The following DGKB variants were observed in gnomAD, a reference collection of about 807,000 sequenced individuals.
DGKB encodes 90 kDa diacylglycerol kinase.
Under a neutral mutation model 114.3 loss-of-function variants are expected in DGKB, and 67 were observed. The observed-to-expected ratio is 0.59, with a 90% confidence interval of 0.48 to 0.72. DGKB has a LOEUF of 0.72. Among genes scored for constraint, DGKB ranks in the 30% least tolerant of loss-of-function variants. The pLI is 0.00. For missense variants in DGKB, 907 were observed against 975.2 expected, an observed-to-expected ratio of 0.93 and a Z score of 0.93; for synonymous variants, 398 against 323.1, an observed-to-expected ratio of 1.23 and a Z score of -2.49.
chr7:14,325,155 C>G (rs552835889), intron 23 of DGKB, among the ~76,000 whole-genome samples: 2 of 152,102 alleles, frequency 1.3e-5, no homozygotes, highest in African/African-American at 4.8e-5. Context: ...AGAGAGTGCT[C>G]TTATAAACAG....
intron 1 of DGKB, among the ~76,000 whole-genome samples, chr7:14,879,747 C>T (rs1277500694): frequency 5.3e-5 from 8 of 152,146 alleles, no homozygotes; most frequent in Non-Finnish European, 1.2e-4. Context: ...TACCTCAATG[C>T]TGAAAGAATC....
At chr7:14,900,629 AT>A (rs1290920445) in intron 1 of DGKB, among the ~76,000 whole-genome samples, 1 of 152,160 alleles carries the variant, frequency 6.6e-6, no homozygotes, top group African/African-American at 2.4e-5. Flanking sequence ...TTCAGACACT[AT>A]CCCAGCAAAA....
At chr7:14,627,368 C>T (rs1808776344) in intron 14 of DGKB, among the ~76,000 whole-genome samples, 1 of 152,002 alleles carries the variant, frequency 6.6e-6, no homozygotes, top group Admixed American at 6.6e-5. Flanking sequence ...TGACTTGATC[C>T]ATAAGTCCCG....
At chr7:14,194,105 T>G (rs192037459) in intron 23 of DGKB, among the ~76,000 whole-genome samples, 1 of 152,282 alleles carries the variant, frequency 6.6e-6, no homozygotes, top group East Asian at 1.9e-4. Context: ...GGTAGCAATA[T>G]ATACTAGTAC....
intron 13 of DGKB, among the ~76,000 whole-genome samples, chr7:14,648,033 G>C (rs944869549): frequency 1.3e-5 from 2 of 152,324 alleles, no homozygotes; most frequent in Non-Finnish European, 1.5e-5. Flanking sequence ...ACAGCAGTCT[G>C]AGATCAAACT....
chr7:14,338,395 A>G lies in DGKB; in HGVS notation c.2122+120T>C, dbSNP rs143352965. 2.5e-3 allele frequency: 1,350 copies of G among 542,208 alleles called. 25 individuals are homozygous for G. The African/African-American group carries it at 0.026, about 10-fold the overall frequency. 33.6% of individuals were successfully genotyped at this position (542,208 alleles called of 1,614,324 possible). On this transcript the variant is annotated intron_variant, in intron 23 of 25. Transcript: ENST00000402815. ...TCACACATGGGTATCCCATAATATG[A>G]AAAATACAACTGTAAAAATATATAA...
chr7:14,289,505 T>C (rs1337726080), intron 23 of DGKB, among the ~76,000 whole-genome samples: 2 of 152,156 alleles, frequency 1.3e-5, no homozygotes, highest in Admixed American at 1.3e-4. Flanking sequence ...ACACATTCTA[T>C]TTAGAAGATG....
intron 1 of DGKB, among the ~76,000 whole-genome samples, chr7:14,898,795 G>A (rs560237834): frequency 6.6e-6 from 1 of 152,212 alleles, no homozygotes; most frequent in South Asian, 2.1e-4. Context: ...CGCTTATGGA[G>A]CGAGTCCATT....
intron 1 of DGKB, among the ~76,000 whole-genome samples, chr7:14,895,582 C>T (rs1781969078): frequency 6.6e-6 from 1 of 151,626 alleles, no homozygotes; most frequent in Non-Finnish European, 1.5e-5. Flanking sequence ...CTGTTCATAT[C>T]CGTCTTTCAC....
rs1266095674 is a variant in DGKB, at chr7:14,389,931, G to T, written c.1836-44540C>A. Among the ~76,000 whole-genome samples the T allele has an allele frequency of 2.0e-5, 3 of 152,284 alleles. No individual in the cohort carries two copies. The East Asian group carries it at 5.8e-4, about 29-fold the overall frequency. On this transcript the variant is annotated intron_variant, in intron 21 of 25. Transcript: ENST00000402815. ...TGGACTACATCCATCAGCAGCCCTT[G>T]TTAAAGTTAAAGGGTGAGGGCATCC...
intron 2 of DGKB, among the ~76,000 whole-genome samples, chr7:14,806,351 G>A (rs1490107677): frequency 6.6e-6 from 1 of 151,964 alleles, no homozygotes; most frequent in African/African-American, 2.4e-5. Context: ...TGGCTATAGA[G>A]TCTACAATAA....
At chr7:14,312,854 G>A (rs1446512196) in intron 23 of DGKB, among the ~76,000 whole-genome samples, 1 of 152,144 alleles carries the variant, frequency 6.6e-6, no homozygotes, top group African/African-American at 2.4e-5. Flanking sequence ...TAGGAATTTA[G>A]AAACTTTTTG....
chr7:14,387,354 A>G (rs1820554556), intron 21 of DGKB, among the ~76,000 whole-genome samples: 1 of 145,204 alleles, frequency 6.9e-6, no homozygotes. Context: ...CGGAGGCTGC[A>G]GTCAGCTGAG....
intron 2 of DGKB, among the ~76,000 whole-genome samples, chr7:14,840,576 T>C (rs1847786085): frequency 6.6e-6 from 1 of 152,174 alleles, no homozygotes; most frequent in African/African-American, 2.4e-5. Context: ...CTATCACTTG[T>C]ATCAATGCAC....
intron 1 of DGKB, among the ~76,000 whole-genome samples, chr7:14,919,095 A>AAACACAC (rs1784392701): frequency 0.026 from 2,989 of 114,778 alleles, 64 homozygotes; most frequent in East Asian, 0.1. Context: ...CACACACACA[A>AAACACAC]ACACACACAC....
rs527655750 is a variant in DGKB at position 14,633,422 on chromosome 7, C to G, written c.1135-3154G>C. The stretch of plus-strand genomic sequence containing the variant: ...TACTCCAAGAATAAGAGTGACAAAA[C>G]CAACATATATCTAACCTCATTTACA... On this transcript the variant is annotated intron_variant, in intron 13 of 25. Coordinates refer to ENST00000402815, the MANE Select transcript of DGKB (RefSeq NM_001350709.2). 2.0e-5 allele frequency among the ~76,000 whole-genome samples: 3 copies of G among 151,864 alleles called. No individual in the cohort carries two copies. The South Asian group carries it at 6.2e-4, about 31-fold the overall frequency.
At chr7:14,286,145 C>G (rs2128464102) in intron 23 of DGKB, among the ~76,000 whole-genome samples, 1 of 152,198 alleles carries the variant, frequency 6.6e-6, no homozygotes, top group Admixed American at 6.6e-5. Context: ...CAGCGGCTGT[C>G]TGTAACCATA....
intron 22 of DGKB, among the ~76,000 whole-genome samples, chr7:14,344,091 T>G (rs1043609891): frequency 6.7e-6 from 1 of 150,206 alleles, no homozygotes; most frequent in African/African-American, 2.4e-5. Flanking sequence ...ATATATCATT[T>G]TATATACAGT....
chr7:14,794,266 G>T lies in DGKB; in HGVS notation c.71-36535C>A, dbSNP rs73068689. On this transcript the variant is annotated intron_variant, in intron 2 of 25. Coordinates refer to ENST00000402815, the MANE Select transcript of DGKB (RefSeq NM_001350709.2). ...TTCTGGAGTTTCTAGAATTGATTCTGTATTTGATAATATTTCAAGACACTA... is the reference window on the plus strand; with the variant it reads ...TTCTGGAGTTTCTAGAATTGATTCTTTATTTGATAATATTTCAAGACACTA... 1.5e-3 allele frequency among the ~76,000 whole-genome samples: 230 copies of T among 152,214 alleles called. 1 individual carries two copies. In the Middle Eastern group the frequency reaches 0.02, roughly 14 times the overall value.
Sources: allele counts gnomAD v4.1 joint callset (sites outside exome capture counted in the v4.1 genomes callset), GRCh38; gene constraint gnomAD v4.1.1; transcripts MANE v1.5; gene names NCBI Gene and HGNC (gene_info 2026-07-23, HGNC 2026-07-21).